Variants in TP63 observed in about 807,000 individuals in gnomAD.
The protein encoded by TP63 is tumor protein p63.
TP63 carries 17 observed loss-of-function variants against 82.8 expected under a neutral mutation model. The observed-to-expected ratio is 0.21, with a 90% CI of 0.14 to 0.31. The LOEUF is 0.31. TP63 is among the 10% of genes least tolerant of loss of function. The probability of loss-of-function intolerance (pLI) is 1.00; values close to 1 mark genes in which losing one functional copy is unlikely to be tolerated. For synonymous variants in TP63, 330 were observed against 321.7 expected (o/e 1.03, Z -0.28); for missense variants, 648 against 895.3 (o/e 0.72, Z 3.52).
intron 11 of TP63, among the ~76,000 whole-genome samples, chr3:189,887,221 A>T (rs1370149784): frequency 6.6e-6 from 1 of 152,078 alleles, no homozygotes; most frequent in African/African-American, 2.4e-5. Flanking sequence ...AAAAAAAAAA[A>T]AAAATCTAGA....
chr3:189,617,730 G>A, the TP63 span, among the ~76,000 whole-genome samples: 1 of 152,116 alleles, frequency 6.6e-6, no homozygotes, highest in Non-Finnish European at 1.5e-5. Context: ...CAGATACAGA[G>A]GTTTCCACTT....
the TP63 span, among the ~76,000 whole-genome samples, chr3:189,619,070 C>A: frequency 1.3e-5 from 2 of 152,116 alleles, no homozygotes; most frequent in East Asian, 3.9e-4. Flanking sequence ...CTGCAAAAAT[C>A]AATTTCTAGG....
intron 1 of TP63, among the ~76,000 whole-genome samples, chr3:189,694,763 C>G (rs973280876): frequency 1.1e-5 from 1 of 91,408 alleles, no homozygotes; most frequent in African/African-American, 4.0e-5. Context: ...ATGCCATACT[C>G]TTTGAAAGGA....
intron 3 of TP63, among the ~76,000 whole-genome samples, chr3:189,795,453 G>A (rs1392873849): frequency 4.0e-5 from 6 of 151,886 alleles, no homozygotes; most frequent in African/African-American, 1.4e-4. Flanking sequence ...GTGAAATCGA[G>A]TTCAAACTGT....
At chr3:189,624,576 C>T in the TP63 span, among the ~76,000 whole-genome samples, 1 of 152,186 alleles carries the variant, frequency 6.6e-6, no homozygotes, top group South Asian at 2.1e-4. Context: ...GTTTGCAGCA[C>T]TACCCCATTT....
chr3:189,864,469 T>C, intron 5 of TP63, 51 bp downstream of exon 5: 2 of 1,569,018 alleles, frequency 1.3e-6, no homozygotes, highest in Non-Finnish European at 1.7e-6. Context: ...AGGTCAAGAT[T>C]CTGTGGGCAT....
chr3:189,872,745 T>C, intron 9 of TP63, 114 bp from the exon 10 acceptor site: 2 of 1,452,148 alleles, frequency 1.4e-6, no homozygotes, highest in Admixed American at 1.9e-5. Context: ...CAAATAAACG[T>C]TAGCAAATAA....
chr3:189,631,602 C>A, intron 1 of TP63, 25 bp downstream of exon 1: 2 of 1,612,460 alleles, frequency 1.2e-6, no homozygotes. Context: ...GACATAACTT[C>A]TCTCAAAACT....
chr3:189,859,524 C>T (rs892104415), intron 4 of TP63, among the ~76,000 whole-genome samples: 8 of 151,994 alleles, frequency 5.3e-5, no homozygotes, highest in African/African-American at 1.7e-4. Flanking sequence ...GCATACATAC[C>T]AGAATGACAT....
intron 3 of TP63, among the ~76,000 whole-genome samples, chr3:189,775,035 A>G (rs980276143): frequency 6.6e-6 from 1 of 152,114 alleles, no homozygotes; most frequent in Non-Finnish European, 1.5e-5. Context: ...CCTGGCCAAC[A>G]TAGTGAAACC....
intron 3 of TP63, among the ~76,000 whole-genome samples, chr3:189,794,405 A>T (rs1725479071): frequency 6.6e-6 from 1 of 152,098 alleles, no homozygotes; most frequent in Non-Finnish European, 1.5e-5. Context: ...TCCATGATGT[A>T]GGAAGATCAA....
chr3:189,765,185 A>G (rs1722844507), intron 3 of TP63, among the ~76,000 whole-genome samples: 1 of 152,108 alleles, frequency 6.6e-6, no homozygotes, highest in African/African-American at 2.4e-5. Flanking sequence ...AGGAAAAGAG[A>G]CAACTCAGCT....
intron 4 of TP63, among the ~76,000 whole-genome samples, chr3:189,827,425 G>A (rs150418541): frequency 8.5e-5 from 13 of 152,138 alleles, no homozygotes; most frequent in African/African-American, 2.9e-4. Context: ...TCATCTCTGG[G>A]TCTTAGTGCT....
rs558684583 is a variant in TP63, at chr3:189,685,032, A to G, written c.63-52708A>G. ...GAAGTGAAAGAGCAAAAGGAAGACTACAAAGTATGGCAGACCCTAGACAAA... is the reference window on the plus strand; with the variant it reads ...GAAGTGAAAGAGCAAAAGGAAGACTGCAAAGTATGGCAGACCCTAGACAAA... On this transcript the variant is annotated intron_variant, in intron 1 of 13. Coordinates refer to ENST00000264731, the MANE Select transcript of TP63 (RefSeq NM_003722.5). Among the ~76,000 whole-genome samples the G allele has an allele frequency of 9.8e-5, 15 of 152,320 alleles. No homozygotes were observed. In the South Asian group the frequency reaches 2.9e-3, roughly 29 times the overall value.
chr3:189,797,553 G>A (rs1306593800), intron 3 of TP63, among the ~76,000 whole-genome samples: 1 of 152,026 alleles, frequency 6.6e-6, no homozygotes, highest in Non-Finnish European at 1.5e-5. Context: ...GATGGAGTCA[G>A]AATTAAAAGG....
chr3:189,804,222 TC>T (rs771984209), intron 3 of TP63, among the ~76,000 whole-genome samples: 3 of 152,190 alleles, frequency 2.0e-5, no homozygotes, highest in Non-Finnish European at 4.4e-5. Flanking sequence ...TACACATTTC[TC>T]TCCTCTGTTA....
intron 4 of TP63, among the ~76,000 whole-genome samples, chr3:189,820,814 C>T (rs755335474): frequency 2.0e-5 from 3 of 152,200 alleles, no homozygotes; most frequent in Non-Finnish European, 4.4e-5. Flanking sequence ...TTGATTATTA[C>T]ATTCTGTAAT....
chr3:189,889,550 C>T, intron 12 of TP63, 66 bp downstream of exon 12: 1 of 1,605,498 alleles, frequency 6.2e-7, no homozygotes, highest in South Asian at 1.1e-5. Flanking sequence ...AGGGCGGATA[C>T]TGTTATAGTC....
intron 3 of TP63, among the ~76,000 whole-genome samples, chr3:189,758,303 C>T (rs1722334006): frequency 6.6e-6 from 1 of 152,226 alleles, no homozygotes; most frequent in Non-Finnish European, 1.5e-5. Flanking sequence ...TACCTCTCAC[C>T]TCCTGCTGTG....
Sources: gnomAD v4.1 joint callset for allele counts (sites outside exome capture counted in the v4.1 genomes callset) on GRCh38, gnomAD v4.1.1 for gene constraint, MANE v1.5 for transcripts, NCBI Gene and HGNC (gene_info 2026-07-23, HGNC 2026-07-21) for gene names.